Variants in PDZRN3 observed in about 807,000 individuals in gnomAD.
PDZRN3 encodes the protein PDZ domain containing ring finger 3, also known as E3 ubiquitin-protein ligase PDZRN3.
PDZRN3 carries 38 observed loss-of-function variants against 85.7 expected under a neutral mutation model. The ratio of observed to expected loss-of-function variants is 0.44; its 90% confidence interval spans 0.34 to 0.58. The LOEUF is 0.58. Ranked by LOEUF, PDZRN3 falls within the 20% of genes least tolerant of loss-of-function variation. The pLI is 0.01. For missense variants in PDZRN3, 1,629 were observed against 1,506.4 expected (o/e 1.08, Z -1.35); for synonymous variants, 759 against 638.0 (o/e 1.19, Z -2.86).
chr3:73,527,007 C>T (rs1246253436), intron 3 of PDZRN3, among the ~76,000 whole-genome samples: 1 of 152,162 alleles, frequency 6.6e-6, no homozygotes, highest in African/African-American at 2.4e-5. Flanking sequence ...CATCACCACC[C>T]CCAGCTAATT....
At chr3:73,547,888 G>A (rs975481651) in intron 3 of PDZRN3, among the ~76,000 whole-genome samples, 1 of 152,152 alleles carries the variant, frequency 6.6e-6, no homozygotes, top group Non-Finnish European at 1.5e-5. Context: ...GCGGGGGAGG[G>A]TTAAAAGTCT....
intron 5 of PDZRN3, among the ~76,000 whole-genome samples, chr3:73,395,838 C>G (rs1701624229): frequency 6.6e-6 from 1 of 152,202 alleles, no homozygotes; most frequent in African/African-American, 2.4e-5. Context: ...ATATGCCAGA[C>G]ATGGTCTAGG....
chr3:73,515,173 CTTTTT>C (rs60325744), intron 3 of PDZRN3, among the ~76,000 whole-genome samples: 3 of 58,060 alleles, frequency 5.2e-5, no homozygotes, highest in African/African-American at 1.9e-4. Context: ...ACAATCAGCC[CTTTTT>C]TTTTTTTTTT....
intron 3 of PDZRN3, chr3:73,561,723 A>G (rs1197742796): frequency 6.6e-6 from 1 of 152,154 alleles, no homozygotes. Context: ...GGATCCTCAC[A>G]TGCGGATGCT....
chr3:73,489,492 G>A (rs908876134), intron 3 of PDZRN3, among the ~76,000 whole-genome samples: 2 of 151,912 alleles, frequency 1.3e-5, no homozygotes, highest in Non-Finnish European at 2.9e-5. Flanking sequence ...AGAAGTGAGA[G>A]GAGGACTTCA....
intron 3 of PDZRN3, among the ~76,000 whole-genome samples, chr3:73,553,620 G>T (rs1296338857): frequency 2.0e-5 from 3 of 151,628 alleles, no homozygotes; most frequent in African/African-American, 7.2e-5. Context: ...CAGAGACAAG[G>T]AAACTAAAGG....
Position 73,383,776 on chromosome 3 carries a change from C to T in PDZRN3, c.2790G>A (p.Thr930=), listed in dbSNP as rs201279261. 3.5e-5 allele frequency: 56 copies of T among 1,613,232 alleles called. No individual in the cohort carries two copies. The highest frequency in any genetic ancestry group is 3.3e-4 in the Admixed American group (20 of 60,024). ...EWKVKIRSDG[T]RYITKRPVRD... ...GCACGGGCCTCTTGGTGATGTAGCG[C>T]GTCCCGTCGCTGCGGATCTTCACCT... Residue 930 remains threonine (T), a synonymous_variant, in exon 10 of 10, where the codon ACG becomes ACA. Transcript: ENST00000263666.
At chr3:73,610,766 A>T (rs984893522) in intron 1 of PDZRN3, among the ~76,000 whole-genome samples, 2 of 152,224 alleles carry the variant, frequency 1.3e-5, no homozygotes, top group African/African-American at 2.4e-5. Flanking sequence ...CAATCATATG[A>T]TTTAAAAGAT....
At chr3:73,399,679 G>A (rs1474837478) in intron 5 of PDZRN3, among the ~76,000 whole-genome samples, 1 of 152,166 alleles carries the variant, frequency 6.6e-6, no homozygotes, top group African/African-American at 2.4e-5. Flanking sequence ...TGGAACAATT[G>A]TTAAATGGCA....
chr3:73,552,643 T>C (rs1246957718), intron 3 of PDZRN3, among the ~76,000 whole-genome samples: 1 of 152,248 alleles, frequency 6.6e-6, no homozygotes, highest in Non-Finnish European at 1.5e-5. Context: ...AAAACATTAC[T>C]GACAAGGCAT....
At position 73,400,931 on chromosome 3, in the gene PDZRN3, C is replaced by T. The variant is rs147686175; in HGVS notation, c.1245G>A (p.Leu415=). ...AGGATGTTCTTCATACCTCCAGCTCCAGCTCCTCCCTGTCCATCTCCTGAT... is the reference window on the plus strand; with the variant it reads ...AGGATGTTCTTCATACCTCCAGCTCTAGCTCCTCCCTGTCCATCTCCTGAT... The part of the protein sequence containing the change: ...DIHQEMDREE[L]ELEEVDLYRM... The change falls in exon 5 of 10, where the codon CTG becomes CTA. Residue 415 remains leucine (L), a synonymous_variant. Transcript: ENST00000263666. The T allele has an allele frequency of 1.5e-4, 241 of 1,610,222 alleles. No homozygotes were observed. Among genetic ancestry groups the T allele is most frequent in the Non-Finnish European group, 5.9e-5 (69 of 1,176,558 alleles).
In PDZRN3 at chr3:73,384,554, A is replaced by C. The variant is rs1701312987; in HGVS notation, c.2012T>G (p.Leu671Arg). The C allele has an allele frequency of 1.1e-5, 17 of 1,613,616 alleles. No homozygotes were observed. The highest frequency in any genetic ancestry group is 1.4e-5 in the Non-Finnish European group (17 of 1,180,014). ...CTCAGGGTCACTCTTGCCGGCGTCC[A>C]GGGGGCCGCTAGGGTAGTACAGGCC... ...PYGLYYPSGPLDAGKSDPESV... is the reference protein window; with the variant it reads ...PYGLYYPSGPRDAGKSDPESV... Residue 671 changes from leucine to arginine, a missense_variant, in exon 10 of 10, where the codon CTG (leucine) becomes CGG (arginine). Transcript: ENST00000263666.
At position 73,384,612 on chromosome 3, in the gene PDZRN3, G is replaced by C; in HGVS notation, c.1954C>G (p.Leu652Val). The C allele has an allele frequency of 6.2e-7, 1 of 1,613,840 alleles. No homozygotes were observed. Among genetic ancestry groups the C allele is most frequent in the East Asian group, 2.2e-5 (1 of 44,848 alleles). ...GTGGCGCTCTTCACCTGGCACTTGA[G>C]CTCCAGGAGCTCGCGGAAGCGCTCG... is the stretch of plus-strand genomic sequence containing the variant. ...ECERFRELLE[L>V]KCQVKSATPY... is the part of the protein sequence containing the mutation. The change falls in exon 10 of 10, where the codon CTC (leucine) becomes GTC (valine). Residue 652 changes from leucine (L) to valine (V), a missense_variant. Leu to Val is a conservative substitution (Grantham distance 32, BLOSUM62 1). Transcript: ENST00000263666.
chr3:73,524,217 T>A (rs1304875206), intron 3 of PDZRN3, among the ~76,000 whole-genome samples: 1 of 152,192 alleles, frequency 6.6e-6, no homozygotes, highest in African/African-American at 2.4e-5. Context: ...TGTAAACATA[T>A]CAAAGAATTT....
At chr3:73,493,982 A>G (rs1043383957) in intron 3 of PDZRN3, among the ~76,000 whole-genome samples, 3 of 152,218 alleles carry the variant, frequency 2.0e-5, no homozygotes, top group Non-Finnish European at 4.4e-5. Context: ...GAGACCAATC[A>G]ACGTTGGATG....
At chr3:73,539,314 G>A (rs1007211914) in intron 3 of PDZRN3, among the ~76,000 whole-genome samples, 8 of 152,178 alleles carry the variant, frequency 5.3e-5, no homozygotes, top group Admixed American at 5.2e-4. Context: ...TGTTTTGGAT[G>A]CTTACAGAAG....
At chr3:73,394,903 A>G (rs13073785) in intron 5 of PDZRN3, among the ~76,000 whole-genome samples, 40,395 of 152,178 alleles carry the variant, frequency 0.27, 5,597 homozygotes, top group Non-Finnish European at 0.31. Flanking sequence ...ATCTGTACGG[A>G]TTTATGGTTT....
chr3:73,458,940 C>T (rs1279086983), intron 3 of PDZRN3, among the ~76,000 whole-genome samples: 4 of 144,992 alleles, frequency 2.8e-5, no homozygotes, highest in Non-Finnish European at 4.5e-5. Flanking sequence ...TGCAGTGAGC[C>T]AAGATTGCAC....
intron 6 of PDZRN3, among the ~76,000 whole-genome samples, chr3:73,390,533 G>A (rs1040598973): frequency 1.1e-4 from 16 of 151,890 alleles, no homozygotes; most frequent in African/African-American, 3.9e-4. Flanking sequence ...TCTTCTCAAG[G>A]AAGATCAAAA....
Sources: allele counts gnomAD v4.1 joint callset (sites outside exome capture counted in the v4.1 genomes callset), GRCh38; gene constraint gnomAD v4.1.1; transcripts MANE v1.5; gene names NCBI Gene and HGNC (gene_info 2026-07-23, HGNC 2026-07-21).